Variants in RYR1 observed in about 807,000 individuals in gnomAD.
The protein encoded by RYR1 is ryanodine receptor 1.
Under a neutral mutation model 583.5 loss-of-function variants are expected in RYR1, and 342 were observed. The observed-to-expected ratio is 0.59, with a 90% confidence interval of 0.54 to 0.64. The LOEUF is 0.64. RYR1 is among the 30% of genes least tolerant of loss of function. The pLI, the probability that RYR1 is intolerant of heterozygous loss-of-function variation, is 0.00. For missense variants in RYR1, 6,032 were observed against 6,917.2 expected (o/e 0.87, Z 4.54); for synonymous variants, 2,791 against 2,822.5 (o/e 0.99, Z 0.35).
At chr19:38,491,455 G>A (rs1969547337) in intron 37 of RYR1, among the ~76,000 whole-genome samples, 1 of 142,618 alleles carries the variant, frequency 7.0e-6, no homozygotes, top group Non-Finnish European at 1.5e-5. Context: ...TTTTTGAGAC[G>A]GTCTCACTCT....
chr19:38,550,264 T>C (rs1972610344), intron 89 of RYR1, among the ~76,000 whole-genome samples: 1 of 152,130 alleles, frequency 6.6e-6, no homozygotes, highest in Admixed American at 6.6e-5. Context: ...GGATTGTATT[T>C]AGGTGTTCTG....
At chr19:38,452,763 G>T in intron 12 of RYR1, 56 bp from the exon 13 acceptor site, 1 of 1,494,658 alleles carries the variant, frequency 6.7e-7, no homozygotes, top group African/African-American at 1.4e-5. Context: ...TTGCGGCAGT[G>T]ACGTTGCGGC....
At chr19:38,514,193 G>A (rs764838838) in intron 63 of RYR1, among the ~76,000 whole-genome samples, 1 of 151,986 alleles carries the variant, frequency 6.6e-6, no homozygotes, top group Non-Finnish European at 1.5e-5. Context: ...ACTTTGGGAG[G>A]CCGAGGTGGG....
chr19:38,442,910 C>CGT (rs1205561816), intron 3 of RYR1, among the ~76,000 whole-genome samples: 2 of 152,208 alleles, frequency 1.3e-5, no homozygotes, highest in Admixed American at 6.5e-5. Flanking sequence ...CCATCCCAAG[C>CGT]GTGAGTCCCT....
chr19:38,474,713 T>C (rs1968625072), intron 28 of RYR1, among the ~76,000 whole-genome samples: 1 of 151,466 alleles, frequency 6.6e-6, no homozygotes, highest in Admixed American at 6.6e-5. Context: ...TATCTGGGAC[T>C]ACAGGTGTGT....
chr19:38,542,666 A>G (rs1972249388), intron 84 of RYR1, among the ~76,000 whole-genome samples: 1 of 150,082 alleles, frequency 6.7e-6, no homozygotes, highest in African/African-American at 2.5e-5. Context: ...TTACAGGCAC[A>G]TGCCACCACA....
intron 1 of RYR1, among the ~76,000 whole-genome samples, chr19:38,435,596 C>T (rs1044685141): frequency 1.4e-4 from 22 of 151,990 alleles, no homozygotes; most frequent in Non-Finnish European, 1.3e-4. Flanking sequence ...ATTAGCCAGG[C>T]GTGGTGGTGC....
At chr19:38,567,712 G>C (rs138680650) in intron 92 of RYR1, 61 bp from the exon 93 acceptor site, 386 of 1,613,672 alleles carry the variant, frequency 2.4e-4, no homozygotes, top group Non-Finnish European at 3.1e-4. Context: ...GGTTTTGAAT[G>C]AATGAACTCA....
In RYR1 at chr19:38,535,205, T is replaced by C. The variant is rs1205572436; in HGVS notation, c.11424T>C (p.Asn3808=). Residue 3808 remains asparagine, a synonymous_variant, in exon 80 of 106, where the codon AAT becomes AAC. Coordinates refer to ENST00000359596, the MANE Select transcript of RYR1 (RefSeq NM_000540.3). ...GCATCTCCATCCTCAATGGAGGCAA[T>C]GCTGAGGTCCAGCAGGTAACAGAGG... ...KLGISILNGG[N]AEVQQKMLDY... 1.2e-6 allele frequency: 2 copies of C among 1,613,972 alleles called. No individual in the cohort carries two copies. The highest frequency in any genetic ancestry group is 1.7e-6 in the Non-Finnish European group (2 of 1,180,030).
intron 24 of RYR1, 102 bp downstream of exon 24, chr19:38,466,500 T>A: frequency 2.9e-4 from 230 of 804,388 alleles, no homozygotes; most frequent in Non-Finnish European, 4.1e-4. Flanking sequence ...ATGGGCTATA[T>A]CTTTTTTTTT....
intron 84 of RYR1, among the ~76,000 whole-genome samples, chr19:38,541,980 G>A (rs117887280): frequency 0.023 from 3,416 of 149,662 alleles, 95 homozygotes; most frequent in Admixed American, 0.073. Context: ...GAGGTGGGAG[G>A]ACCACTTGAA....
rs1466240377 is a variant in RYR1 at position 38,505,873 on chromosome 19, T to C, written c.8468T>C (p.Ile2823Thr). 17 of 1,613,626 alleles carry C rather than the reference T, an allele frequency of 1.1e-5. No homozygotes were observed. The highest frequency in any genetic ancestry group is 1.7e-5 in the Admixed American group (1 of 59,946). The change falls in exon 54 of 106, where the codon ATA (isoleucine) becomes ACA (threonine). Residue 2823 changes from isoleucine to threonine, a missense_variant. Transcript: ENST00000359596. ...LKAMIAWEWT[I>T]EKAREGEEEK... ...GCCATGATTGCCTGGGAATGGACGATAGAGAAGGCCAGGGAGGGTGAGGAG... is the reference window on the plus strand; with the variant it reads ...GCCATGATTGCCTGGGAATGGACGACAGAGAAGGCCAGGGAGGGTGAGGAG...
chr19:38,501,735 T>G (rs952279897), intron 47 of RYR1, among the ~76,000 whole-genome samples: 1 of 151,778 alleles, frequency 6.6e-6, no homozygotes, highest in Non-Finnish European at 1.5e-5. Context: ...ACCCCTGTAA[T>G]AACTTTGGGA....
rs896569937 is a variant in RYR1, at chr19:38,565,603, G to A, written c.13269G>A (p.Glu4423=). ...CCGCGGAGGGCGCTGGAGACGAGGA[G>A]GAGGCGGTGCACGAGGCCGGGCCGG... The part of the protein sequence containing the change: ...GDAAEGAGDE[E]EAVHEAGPGG... Residue 4423 remains glutamate, a synonymous_variant, in exon 91 of 106, where the codon GAG becomes GAA. Coordinates refer to ENST00000359596, the MANE Select transcript of RYR1 (RefSeq NM_000540.3). The surrounding 1 kb of genome is among the most constrained non-coding windows in gnomAD (Gnocchi z 4.7). The A allele has an allele frequency of 3.2e-5, 46 of 1,451,734 alleles. No homozygotes were observed. Among genetic ancestry groups the A allele is most frequent in the Non-Finnish European group, 4.1e-5 (46 of 1,109,880 alleles). 89.9% of individuals were successfully genotyped at this position (1,451,734 alleles called of 1,614,324 possible).
Position 38,527,030 on chromosome 19 carries a change from A to G in RYR1, c.10664A>G (p.Asn3555Ser), listed in dbSNP as rs199689862. ...GAGGAGGTCCGGGAATTTCTGCACA[A>G]CAACCTTCACCTTCAGGGAAAGGTA... ...TDEEVREFLHNNLHLQGKVEG... is the reference protein window; with the variant it reads ...TDEEVREFLHSNLHLQGKVEG... Residue 3555 changes from asparagine (N) to serine (S), a missense_variant, in exon 72 of 106, where the codon AAC becomes AGC. By Grantham distance (46) the Asn-to-Ser change is conservative. Coordinates refer to ENST00000359596, the MANE Select transcript of RYR1 (RefSeq NM_000540.3). The G allele has an allele frequency of 6.2e-7, 1 of 1,613,906 alleles. No homozygotes were observed. The highest frequency in any genetic ancestry group is 1.3e-5 in the African/African-American group (1 of 74,920).
rs768618241 is a variant in RYR1 at position 38,492,629 on chromosome 19, C to T, written c.6267C>T (p.Ser2089=). The T allele has an allele frequency of 7.1e-7, 1 of 1,401,256 alleles. No individual in the cohort carries two copies. The highest frequency in any genetic ancestry group is 9.6e-7 in the Non-Finnish European group (1 of 1,037,920). 86.8% of individuals were successfully genotyped at this position (1,401,256 alleles called of 1,614,324 possible). The change falls in exon 38 of 106, where the codon AGC becomes AGT. Residue 2089 remains serine, a synonymous_variant. Transcript: ENST00000359596. ...AGGAGGAGCGGTCAGCAGAGGAGAG[C>T]AAACCCCGTGAGGACTGGGGTCACT... ...KPEEERSAEE[S]KPRSLQELVS... is the part of the protein sequence containing the mutation.
At chr19:38,579,352 G>A (rs137919583) in intron 99 of RYR1, among the ~76,000 whole-genome samples, 2,027 of 151,438 alleles carry the variant, frequency 0.013, 40 homozygotes, top group African/African-American at 0.047. Flanking sequence ...TTGAACCCGG[G>A]AGGCGGAGGT....
Position 38,578,205 on chromosome 19 carries a change from G to A in RYR1, c.14364+1G>A, listed in dbSNP as rs1974046221. ...GTTCGGGGTCATCTTCACAGACAAC[G>A]TGAGCAGGGGCCCACAGACTGGGGA... On this transcript the variant is annotated splice_donor_variant, in intron 99 of 105. Transcript: ENST00000359596. LOFTEE classifies it high-confidence loss of function. 2.5e-6 allele frequency: 4 copies of A among 1,613,254 alleles called. No homozygotes were observed. Among genetic ancestry groups the A allele is most frequent in the East Asian group, 2.2e-5 (1 of 44,826 alleles).
intron 84 of RYR1, among the ~76,000 whole-genome samples, chr19:38,538,894 CA>C (rs888172490): frequency 6.6e-6 from 1 of 152,122 alleles, no homozygotes; most frequent in Non-Finnish European, 1.5e-5. Flanking sequence ...AAATTCTGCA[CA>C]AAAAACATTC....
Sources: gnomAD v4.1 joint callset for allele counts (sites outside exome capture counted in the v4.1 genomes callset) on GRCh38, gnomAD v4.1.1 for gene constraint, Gnocchi (gnomAD v3.1) non-coding constraint, MANE v1.5 for transcripts, NCBI Gene and HGNC (gene_info 2026-07-23, HGNC 2026-07-21) for gene names.